ARHGEF12: variants seen among roughly 807,000 people sequenced by gnomAD.
The protein encoded by ARHGEF12 is KMT2A/ARHGEF12 fusion protein.
ARHGEF12 carries 66 observed loss-of-function variants against 211.2 expected under a neutral mutation model. The ratio of observed to expected loss-of-function variants is 0.31; its 90% CI spans 0.26 to 0.38. The LOEUF (loss-of-function observed/expected upper bound fraction) is 0.38, where lower values mean the gene tolerates loss of function less well. Ranked by LOEUF, ARHGEF12 falls within the 10% of genes least tolerant of loss-of-function variation. The pLI is 1.00. For missense variants in ARHGEF12, 1,429 were observed against 1,869.5 expected, an observed-to-expected ratio of 0.76 and a Z score of 4.34; for synonymous variants, 592 against 638.4, an observed-to-expected ratio of 0.93 and a Z score of 1.09.
In ARHGEF12 at chr11:120,449,208, A is replaced by G. The variant is rs1591606284; in HGVS notation, c.1837A>G (p.Ser613Gly). 6.2e-7 allele frequency: 1 copy of G among 1,613,808 alleles called. No individual in the cohort carries two copies. Among genetic ancestry groups the G allele is most frequent in the South Asian group, 1.1e-5 (1 of 91,012 alleles). The change falls in exon 21 of 41, where the codon AGT becomes GGT. Residue 613 changes from serine to glycine, a missense_variant. Coordinates refer to ENST00000397843, the MANE Select transcript of ARHGEF12 (RefSeq NM_015313.3). ...ACGGAGACCAAGCCGTCATGACAAC[A>G]GTGCAAGTATGTTGAAGTTTGAAGT... ...PPRRPSRHDN[S>G]AIGRAMELQK...
chr11:120,406,160 A>G lies in ARHGEF12; in HGVS notation c.56+19A>G, dbSNP rs1320241496. 3 of 1,496,682 alleles carry G rather than the reference A, an allele frequency of 2.0e-6. No individual in the cohort carries two copies. Among genetic ancestry groups the G allele is most frequent in the Non-Finnish European group, 2.7e-6 (3 of 1,121,168 alleles). The allele number at this position is 1,496,682 out of a possible 1,614,324, so 92.7% of individuals were successfully genotyped here. A position where few individuals can be genotyped will look rare whatever the true frequency, so the allele number is the denominator to read the frequency against. On this transcript the variant is annotated intron_variant, in intron 2 of 40. Coordinates refer to ENST00000397843, the MANE Select transcript of ARHGEF12 (RefSeq NM_015313.3). ...CTATAAGGTAAGTTTGCTCAATTAC[A>G]CTTCATACTCAAGTTTAGGTTATAT...
At chr11:120,369,779 G>GGT (rs1050046106) in intron 1 of ARHGEF12, among the ~76,000 whole-genome samples, 1 of 152,038 alleles carries the variant, frequency 6.6e-6, no homozygotes, top group African/African-American at 2.4e-5. Flanking sequence ...TCTTATACTT[G>GGT]GAATATTTCA....
rs886442364 is a variant in ARHGEF12 at position 120,337,028 on chromosome 11, C to T, written c.-216C>T. 2 of 610,464 alleles carry T rather than the reference C, an allele frequency of 3.3e-6. No individual in the cohort carries two copies. The highest frequency in any genetic ancestry group is 2.8e-5 in the Admixed American group (1 of 35,136). The allele number at this position is 610,464 out of a possible 1,614,324, so 37.8% of individuals were successfully genotyped here. On this transcript the variant is annotated 5_prime_UTR_variant, in exon 1 of 41. Coordinates refer to ENST00000397843, the MANE Select transcript of ARHGEF12 (RefSeq NM_015313.3). ...CACTCTGGACTGACTCGCTCCCTGG[C>T]TTTCTCAGTTCGTTTTGGGAGATAA...
At chr11:120,399,194 C>G (rs1340447979) in intron 1 of ARHGEF12, among the ~76,000 whole-genome samples, 3 of 150,904 alleles carry the variant, frequency 2.0e-5, no homozygotes. Context: ...GTGGCATGCT[C>G]CTGTGGTCCT....
In ARHGEF12 at chr11:120,448,527, T is replaced by C. The variant is rs1279932531; in HGVS notation, c.1737+179T>C. ...CAAAATACAGTGAGAAATCCAGACATATAAACTATTATTAGACAATGTGAA... is the reference window on the plus strand; with the variant it reads ...CAAAATACAGTGAGAAATCCAGACACATAAACTATTATTAGACAATGTGAA... On this transcript the variant is annotated intron_variant, in intron 20 of 40. Coordinates refer to ENST00000397843, the MANE Select transcript of ARHGEF12 (RefSeq NM_015313.3). The C allele has an allele frequency of 8.3e-5, 49 of 590,248 alleles. 1 individual carries two copies. Among genetic ancestry groups the C allele is most frequent in the Non-Finnish European group, 3.0e-6 (1 of 336,352 alleles). The allele number at this position is 590,248 out of a possible 1,614,324, so 36.6% of individuals were successfully genotyped here. A position where few individuals can be genotyped will look rare whatever the true frequency, so the allele number is the denominator to read the frequency against.
intron 1 of ARHGEF12, among the ~76,000 whole-genome samples, chr11:120,382,071 G>GT (rs1261418118): frequency 3.2e-4 from 48 of 152,222 alleles, no homozygotes; most frequent in African/African-American, 1.0e-3. Context: ...ATCATAATTT[G>GT]TTTTTTCATT....
At position 120,437,452 on chromosome 11, in the gene ARHGEF12, A is replaced by G. The variant is rs557114629; in HGVS notation, c.999+70A>G. The G allele has an allele frequency of 5.3e-5, 54 of 1,026,226 alleles. No homozygotes were observed. The East Asian group carries it at 1.5e-3, about 29-fold the overall frequency. 63.6% of individuals were successfully genotyped at this position (1,026,226 alleles called of 1,614,324 possible). On this transcript the variant is annotated intron_variant, in intron 12 of 40. Coordinates refer to ENST00000397843, the MANE Select transcript of ARHGEF12 (RefSeq NM_015313.3). ...CTTATACTTAAAGTATGGTATAGAC[A>G]CATCTGATGTTTACATATTTTATTT...
At chr11:120,480,520 GGTGT>G (rs143487914) in intron 38 of ARHGEF12, 90 bp downstream of exon 38, 252 of 1,035,712 alleles carry the variant, frequency 2.4e-4, no homozygotes, top group Non-Finnish European at 2.8e-4. Context: ...TTGGTATCCA[GGTGT>G]GTGTGTGTGT....
At chr11:120,479,214 G>A (rs915756454) in intron 37 of ARHGEF12, among the ~76,000 whole-genome samples, 7 of 152,206 alleles carry the variant, frequency 4.6e-5, no homozygotes, top group Non-Finnish European at 2.9e-5. Context: ...GCATCTCTCA[G>A]GAAGTGATTG....
Position 120,488,492 on chromosome 11 carries a change from C to T in ARHGEF12, c.*3415C>T, listed in dbSNP as rs1023862745. Reference sequence around the variant, plus strand: ...TTCCACCACTTTTCAGAGTCATCTACAAAATTTTTCTTTCCTCAAGAAAAG... The same window carrying T: ...TTCCACCACTTTTCAGAGTCATCTATAAAATTTTTCTTTCCTCAAGAAAAG... On this transcript the variant is annotated 3_prime_UTR_variant, in exon 41 of 41. Transcript: ENST00000397843. 5 of 216,558 alleles carry T rather than the reference C, an allele frequency of 2.3e-5. No homozygotes were observed. Among genetic ancestry groups the T allele is most frequent in the Non-Finnish European group, 4.6e-5 (5 of 107,766 alleles). The allele number at this position is 216,558 out of a possible 1,614,324, so 13.4% of individuals were successfully genotyped here.
chr11:120,353,870 G>A (rs781259125), intron 1 of ARHGEF12, among the ~76,000 whole-genome samples: 11 of 152,132 alleles, frequency 7.2e-5, no homozygotes, highest in Non-Finnish European at 1.2e-4. Context: ...TTTCAATTTT[G>A]AGCCTATAGG....
At chr11:120,476,632 TTAGAG>T (rs1947040731) in intron 33 of ARHGEF12, 24 bp from the exon 34 acceptor site, 7 of 1,586,080 alleles carry the variant, frequency 4.4e-6, no homozygotes, top group South Asian at 1.1e-5. Flanking sequence ...GGTCATAGTA[TTAGAG>T]TAATCTTGTA....
intron 1 of ARHGEF12, among the ~76,000 whole-genome samples, chr11:120,360,751 A>G (rs896052256): frequency 2.0e-5 from 3 of 152,216 alleles, no homozygotes; most frequent in Non-Finnish European, 4.4e-5. Context: ...TTGTATTGTT[A>G]TAAATAGAAA....
intron 4 of ARHGEF12, 127 bp downstream of exon 4, chr11:120,409,577 T>C (rs1944820720): frequency 2.2e-6 from 2 of 914,098 alleles, no homozygotes; most frequent in Non-Finnish European, 3.3e-6. Flanking sequence ...CTGCTGTGCA[T>C]GGCATGATCT....
intron 30 of ARHGEF12, among the ~76,000 whole-genome samples, chr11:120,470,288 A>G (rs1375943983): frequency 6.6e-6 from 1 of 152,232 alleles, no homozygotes; most frequent in Non-Finnish European, 1.5e-5. Context: ...GCAGCAATCT[A>G]GGATAGATGA....
At chr11:120,390,075 T>C (rs1944164703) in intron 1 of ARHGEF12, among the ~76,000 whole-genome samples, 1 of 152,174 alleles carries the variant, frequency 6.6e-6, no homozygotes, top group Admixed American at 6.5e-5. Context: ...TTTCTCCTCC[T>C]GCTGTTCCGG....
chr11:120,379,448 C>T (rs990391556), intron 1 of ARHGEF12, among the ~76,000 whole-genome samples: 14 of 151,792 alleles, frequency 9.2e-5, no homozygotes, highest in Non-Finnish European at 1.3e-4. Flanking sequence ...GTGGTGAAAG[C>T]AGACATGTAG....
chr11:120,410,913 T>C (rs1278861014), intron 4 of ARHGEF12: 1 of 152,218 alleles, frequency 6.6e-6, no homozygotes, highest in Non-Finnish European at 1.5e-5. Context: ...AACATTATCT[T>C]TATAGCTCTA....
chr11:120,479,645 A>G (rs1206306167), intron 37 of ARHGEF12, among the ~76,000 whole-genome samples: 3 of 152,210 alleles, frequency 2.0e-5, no homozygotes, highest in Admixed American at 2.0e-4. Context: ...AGAAGAAAAA[A>G]TAGAGGCATG....
Sources: allele counts gnomAD v4.1 joint callset (sites outside exome capture counted in the v4.1 genomes callset), GRCh38; gene constraint gnomAD v4.1.1; transcripts MANE v1.5; gene names NCBI Gene and HGNC (gene_info 2026-07-23, HGNC 2026-07-21).